The following GNG7 variants were observed in gnomAD, a reference collection of about 807,000 sequenced individuals.
The protein encoded by GNG7 is guanine nucleotide-binding protein G(I)/G(S)/G(O) subunit gamma-7.
In GNG7, 1 loss-of-function variant was observed where a neutral mutation model predicts 4.0. That is an observed-to-expected ratio of 0.25 (90% confidence interval 0.09 to 1.18). The LOEUF (loss-of-function observed/expected upper bound fraction) is 1.18, where lower values mean the gene tolerates loss of function less well. Among genes scored for constraint, GNG7 ranks in the 50% most tolerant of loss-of-function variants. The pLI is 0.50. For missense variants in GNG7, 86 were observed against 91.9 expected (o/e 0.94, Z 0.26); for synonymous variants, 34 against 36.9 (o/e 0.92, Z 0.29).
chr19:2,693,985 T>C (rs1276761170), intron 1 of GNG7, among the ~76,000 whole-genome samples: 1 of 152,116 alleles, frequency 6.6e-6, no homozygotes, highest in African/African-American at 2.4e-5. Flanking sequence ...TATTGTGTTG[T>C]GAACGTTAAT....
chr19:2,513,020 C>T lies in GNG7; in HGVS notation c.*2002G>A. 1 of 985,474 alleles carries T rather than the reference C, an allele frequency of 1.0e-6. No individual in the cohort carries two copies. Among genetic ancestry groups the T allele is most frequent in the Non-Finnish European group, 1.2e-6 (1 of 829,950 alleles). The allele number at this position is 985,474 out of a possible 1,614,324, so 61.0% of individuals were successfully genotyped here. A position where few individuals can be genotyped will look rare whatever the true frequency, so the allele number is the denominator to read the frequency against. On this transcript the variant is annotated 3_prime_UTR_variant, in exon 5 of 5. Transcript: ENST00000382159. ...GTTTGGCGGGTAGGGCTCCCCGAAG[C>T]CCCAGCCCTCCCGGACCTGCCGTAG...
In GNG7 at chr19:2,653,457, GAGAATCCCAGGAGCTGGGGGGCC is replaced by G. The variant is rs1982882050; in HGVS notation, c.-134-7200_-134-7178del. Among the ~76,000 whole-genome samples the G allele has an allele frequency of 6.6e-6, 1 of 152,066 alleles. No individual in the cohort carries two copies. Among genetic ancestry groups the G allele is most frequent in the African/African-American group, 2.4e-5 (1 of 41,322 alleles). On this transcript the variant is annotated intron_variant, in intron 1 of 4. Coordinates refer to ENST00000382159, the MANE Select transcript of GNG7 (RefSeq NM_052847.3). The surrounding 1 kb of genome is among the most constrained non-coding windows in gnomAD (Gnocchi z 4.8). ...ATCCTGAGTGGGGCGGAGGGAGGAG[GAGAATCCCAGGAGCTGGGGGGCC>G]CCCCTGGTTTATACCGTCTTCCCCA...
At chr19:2,554,181 A>ATAT (rs1555693330) in intron 3 of GNG7, among the ~76,000 whole-genome samples, 1 of 143,580 alleles carries the variant, frequency 7.0e-6, no homozygotes, top group African/African-American at 2.7e-5. Flanking sequence ...TAATATATAT[A>ATAT]TTTTTTTCTT....
At chr19:2,649,434 GT>G (rs1982752314) in intron 1 of GNG7, among the ~76,000 whole-genome samples, 1 of 100,686 alleles carries the variant, frequency 9.9e-6, no homozygotes, top group East Asian at 5.4e-4. Context: ...GTCTTGCTCT[GT>G]CACCCAGGCT....
intron 2 of GNG7, among the ~76,000 whole-genome samples, chr19:2,586,203 G>A (rs1980668163): frequency 6.6e-6 from 1 of 151,908 alleles, no homozygotes; most frequent in Non-Finnish European, 1.5e-5. Flanking sequence ...TTGATGGGGT[G>A]AGATCGGGGA....
At position 2,614,247 on chromosome 19, in the gene GNG7, A is replaced by G. The variant is rs560069552; in HGVS notation, c.-78+31977T>C. Among the ~76,000 whole-genome samples, 196 of 152,278 alleles carry G rather than the reference A, an allele frequency of 1.3e-3. No individual in the cohort carries two copies. Among genetic ancestry groups the G allele is most frequent in the Non-Finnish European group, 1.9e-3 (128 of 67,996 alleles). ...GAAAGCAGGTGCGGCGACTTTCCCT[A>G]GCACCCTCTCCCTGCCCTCTGTGTA... On this transcript the variant is annotated intron_variant, in intron 2 of 4. Transcript: ENST00000382159. The surrounding 1 kb of genome is among the most constrained non-coding windows in gnomAD (Gnocchi z 6.0).
chr19:2,610,982 G>C (rs1368685652), intron 2 of GNG7: 6 of 38,416 alleles, frequency 1.6e-4, no homozygotes, highest in African/African-American at 3.7e-4. Flanking sequence ...GGGAGGGGGG[G>C]AACGGGCTCA....
At chr19:2,553,795 G>T (rs1019139117) in intron 3 of GNG7, among the ~76,000 whole-genome samples, 3 of 126,632 alleles carry the variant, frequency 2.4e-5, no homozygotes, top group South Asian at 2.3e-4. Flanking sequence ...ACACATGTAC[G>T]TATCATGTGT....
chr19:2,661,302 G>GAAA, intron 1 of GNG7, among the ~76,000 whole-genome samples: 1 of 73,122 alleles, frequency 1.4e-5, no homozygotes, highest in Non-Finnish European at 2.7e-5. Context: ...AAGAAAGAAA[G>GAAA]AGAAAGAAAG....
intron 2 of GNG7, among the ~76,000 whole-genome samples, chr19:2,635,242 C>T (rs1022531412): frequency 6.6e-6 from 1 of 152,190 alleles, no homozygotes; most frequent in African/African-American, 2.4e-5. Flanking sequence ...GGTGCAGGTG[C>T]CCCGTGAACC....
At chr19:2,531,429 G>C (rs1473335755) in intron 3 of GNG7, among the ~76,000 whole-genome samples, 1 of 151,774 alleles carries the variant, frequency 6.6e-6, no homozygotes, top group Non-Finnish European at 1.5e-5. Flanking sequence ...ATGCGAGATT[G>C]CTGGTGGCCC....
intron 2 of GNG7, among the ~76,000 whole-genome samples, chr19:2,575,878 C>G (rs377560667): frequency 1.3e-5 from 2 of 150,888 alleles, no homozygotes; most frequent in Non-Finnish European, 3.0e-5. Flanking sequence ...CACAGGCACA[C>G]GCAGGCACAC....
chr19:2,585,612 A>G (rs1452748413), intron 2 of GNG7, among the ~76,000 whole-genome samples: 1 of 152,226 alleles, frequency 6.6e-6, no homozygotes, highest in Non-Finnish European at 1.5e-5. Flanking sequence ...TCATCTCCAG[A>G]TTGGGATTAC....
chr19:2,639,039 C>T (rs973718394), intron 2 of GNG7, among the ~76,000 whole-genome samples: 2 of 151,944 alleles, frequency 1.3e-5, no homozygotes, highest in African/African-American at 4.8e-5. Flanking sequence ...GGGTTCGACA[C>T]CAGCCTGGCC....
At chr19:2,644,382 A>ATATATAAAG (rs1568272569) in intron 2 of GNG7, among the ~76,000 whole-genome samples, 10 of 109,152 alleles carry the variant, frequency 9.2e-5, no homozygotes, top group African/African-American at 2.5e-4. Flanking sequence ...TATATATATA[A>ATATATAAAG]TGCTCTATCT....
chr19:2,564,835 C>T (rs185495765), intron 2 of GNG7, among the ~76,000 whole-genome samples: 49 of 151,830 alleles, frequency 3.2e-4, no homozygotes, highest in Admixed American at 2.9e-3. Flanking sequence ...TTTAAAGCCC[C>T]GCAATCTGTA....
intron 3 of GNG7, among the ~76,000 whole-genome samples, chr19:2,553,125 C>CAAAAAAAA (rs36098274): frequency 8.9e-6 from 1 of 112,402 alleles, no homozygotes. Flanking sequence ...AAAGCAAAAC[C>CAAAAAAAA]AAAAAAAAAA....
chr19:2,672,103 T>A (rs1983470800), intron 1 of GNG7, among the ~76,000 whole-genome samples: 2 of 144,716 alleles, frequency 1.4e-5, no homozygotes, highest in Non-Finnish European at 3.0e-5. Flanking sequence ...AGTGGCGCAG[T>A]CTCAGCTCAC....
At chr19:2,560,800 T>C (rs1979719176) in intron 2 of GNG7, among the ~76,000 whole-genome samples, 1 of 151,646 alleles carries the variant, frequency 6.6e-6, no homozygotes, top group African/African-American at 2.4e-5. Flanking sequence ...CTACTAAAAA[T>C]ACAAAAATTA....
Sources: gnomAD v4.1 joint callset for allele counts (sites outside exome capture counted in the v4.1 genomes callset) on GRCh38, gnomAD v4.1.1 for gene constraint, Gnocchi (gnomAD v3.1) non-coding constraint, MANE v1.5 for transcripts, NCBI Gene and HGNC (gene_info 2026-07-23, HGNC 2026-07-21) for gene names.